The following DNAH12 variants were observed in gnomAD, a reference collection of about 807,000 sequenced individuals.
The protein encoded by DNAH12 is dynein axonemal heavy chain 12.
Under a neutral mutation model 371.5 loss-of-function variants are expected in DNAH12, and 285 were observed. The observed-to-expected ratio is 0.77, with a 90% CI of 0.70 to 0.85. The LOEUF is 0.85. DNAH12 is among the 40% of genes least tolerant of loss of function. The pLI is 0.00. For synonymous variants in DNAH12, 1,200 were observed against 1,213.0 expected (o/e 0.99, Z 0.22); for missense variants, 3,611 against 3,689.4 (o/e 0.98, Z 0.55).
At chr3:57,511,436 GT>G (rs1396991688) in intron 4 of DNAH12, among the ~76,000 whole-genome samples, 2 of 152,238 alleles carry the variant, frequency 1.3e-5, no homozygotes, top group African/African-American at 4.8e-5. Context: ...AGAATGAATA[GT>G]CTCACTAAAA....
At chr3:57,551,360 C>T in the DNAH12 span, among the ~76,000 whole-genome samples, 6 of 149,492 alleles carry the variant, frequency 4.0e-5, no homozygotes, top group East Asian at 6.1e-4. Flanking sequence ...CAAGCTCCGC[C>T]TCCCGGGTTC....
chr3:57,462,863 T>C lies in DNAH12; in HGVS notation c.2362A>G (p.Thr788Ala). The C allele has an allele frequency of 2.6e-6, 4 of 1,550,828 alleles. No homozygotes were observed. The highest frequency in any genetic ancestry group is 3.5e-6 in the Non-Finnish European group (4 of 1,146,700). Residue 788 changes from threonine (T) to alanine (A), a missense_variant, in exon 18 of 74, where the codon ACT becomes GCT. This residue lies in a region of DNAH12 where 1,314 missense variants were observed against 1,398.7 expected (regional missense o/e 0.94). Coordinates refer to ENST00000495027, the MANE Select transcript of DNAH12 (RefSeq NM_001366028.2). ...QIKAFKEYIP[T>A]VSILCNPGMR... ...CCTGGATTGCACAGAATGGAGACAG[T>C]AGGAATATATTCCTAATGGCAAAAA...
intron 20 of DNAH12, among the ~76,000 whole-genome samples, chr3:57,458,453 G>A (rs1363896524): frequency 9.2e-5 from 14 of 152,068 alleles, no homozygotes; most frequent in South Asian, 2.1e-4. Context: ...TATGATTGTC[G>A]TGCATATTGT....
intron 13 of DNAH12, among the ~76,000 whole-genome samples, chr3:57,479,283 AAAACAGACTTT>A (rs1176638440): frequency 2.6e-5 from 4 of 152,262 alleles, no homozygotes; most frequent in African/African-American, 9.6e-5. Context: ...AGTCTCTGAT[AAAACAGACTTT>A]AAACCAACAA....
At chr3:57,409,176 T>A (rs2064128892) in intron 39 of DNAH12, among the ~76,000 whole-genome samples, 1 of 152,186 alleles carries the variant, frequency 6.6e-6, no homozygotes, top group South Asian at 2.1e-4. Context: ...GGAAATGACA[T>A]AATTTAGCTG....
At chr3:57,455,418 A>G (rs2065876573) in intron 22 of DNAH12, among the ~76,000 whole-genome samples, 1 of 151,872 alleles carries the variant, frequency 6.6e-6, no homozygotes, top group African/African-American at 2.4e-5. Flanking sequence ...TAAAAAAAAA[A>G]AAATAGCTGG....
intron 38 of DNAH12, among the ~76,000 whole-genome samples, chr3:57,414,363 T>G (rs999369675): frequency 6.6e-6 from 1 of 152,208 alleles, no homozygotes; most frequent in African/African-American, 2.4e-5. Context: ...CAACATATTT[T>G]TATTTTTTTC....
At chr3:57,370,448 A>G (rs1260172790) in intron 55 of DNAH12, among the ~76,000 whole-genome samples, 1 of 152,318 alleles carries the variant, frequency 6.6e-6, no homozygotes, top group East Asian at 1.9e-4. Flanking sequence ...CGTTACCAAA[A>G]TCTCAAGACA....
intron 46 of DNAH12, among the ~76,000 whole-genome samples, 186 bp downstream of exon 46, chr3:57,386,900 A>C (rs946979115): frequency 0.024 from 3,604 of 152,360 alleles, 66 homozygotes; most frequent in Admixed American, 0.035. Flanking sequence ...AGAAAGAATC[A>C]GACTATTTCA....
intron 66 of DNAH12, among the ~76,000 whole-genome samples, chr3:57,312,511 A>C (rs1392682338): frequency 6.6e-6 from 1 of 152,194 alleles, no homozygotes; most frequent in Non-Finnish European, 1.5e-5. Context: ...GCCTGCTCAT[A>C]CCAGGTGAAG....
chr3:57,408,374 A>G lies in DNAH12; in HGVS notation c.6182T>C (p.Ile2061Thr). The change falls in exon 40 of 74, where the codon ATC becomes ACC. Residue 2061 changes from isoleucine (I) to threonine (T), a missense_variant. Ile to Thr is a moderately conservative substitution (Grantham distance 89, BLOSUM62 -1). This residue lies in a region of DNAH12 where 2,266 missense variants were observed against 2,236.9 expected (regional missense o/e 1.01). Coordinates refer to ENST00000495027, the MANE Select transcript of DNAH12 (RefSeq NM_001366028.2). Reference sequence around the variant, plus strand: ...GTAGAATGCTACAATAGATGAGAAGATTCGGACCATAGTTTCATCACTAAA... The same window carrying G: ...GTAGAATGCTACAATAGATGAGAAGGTTCGGACCATAGTTTCATCACTAAA... ...NSFSDETMVRIFSSIVAFYLR... is the reference protein window; with the variant it reads ...NSFSDETMVRTFSSIVAFYLR... 6.4e-7 allele frequency: 1 copy of G among 1,551,648 alleles called. No individual in the cohort carries two copies. The highest frequency in any genetic ancestry group is 8.7e-7 in the Non-Finnish European group (1 of 1,146,932).
intron 11 of DNAH12, 53 bp downstream of exon 11, chr3:57,501,268 T>TAAACGCATTAATA: frequency 7.5e-7 from 1 of 1,340,832 alleles, no homozygotes; most frequent in Non-Finnish European, 1.1e-6. Flanking sequence ...GGAAAGATCC[T>TAAACGCATTAATA]AATGTTACAA....
chr3:57,461,575 T>A lies in DNAH12; in HGVS notation c.2650A>T (p.Ile884Phe). Residue 884 changes from isoleucine (I) to phenylalanine (F), a missense_variant, in exon 19 of 74, where the codon ATT becomes TTT. Ile to Phe is a conservative substitution (Grantham distance 21). Around this residue, in one of 3 missense-constraint regions of DNAH12, gnomAD observed 1,314 missense variants for 1,398.7 expected, o/e 0.94. Coordinates refer to ENST00000495027, the MANE Select transcript of DNAH12 (RefSeq NM_001366028.2). ...GVCILSSVDE[I>F]QAILDDQIIK... is the part of the protein sequence containing the mutation. ...ATTTGATCATCAAGGATGGCCTGAA[T>A]CTCATCCACCGAAGAAAGAATACAG... 1 of 1,551,324 alleles carries A rather than the reference T, an allele frequency of 6.4e-7. No homozygotes were observed. Among genetic ancestry groups the A allele is most frequent in the Admixed American group, 2.0e-5 (1 of 50,986 alleles).
At chr3:57,492,517 T>C (rs1252503188) in intron 11 of DNAH12, among the ~76,000 whole-genome samples, 2 of 151,866 alleles carry the variant, frequency 1.3e-5, no homozygotes, top group Non-Finnish European at 2.9e-5. Flanking sequence ...GATGTTACAG[T>C]TCATCATTCT....
At chr3:57,301,306 A>G (rs1255102342) in intron 70 of DNAH12, among the ~76,000 whole-genome samples, 2 of 143,530 alleles carry the variant, frequency 1.4e-5, no homozygotes, top group East Asian at 4.3e-4. Flanking sequence ...AAAAAAATCC[A>G]AGCCTCAGGA....
chr3:57,462,741 G>A lies in DNAH12; in HGVS notation c.2484C>T (p.Asn828=). The change falls in exon 18 of 74, where the codon AAC becomes AAT. Residue 828 remains asparagine, a synonymous_variant. Coordinates refer to ENST00000495027, the MANE Select transcript of DNAH12 (RefSeq NM_001366028.2). ...CAAATTGTTCCAAGTATGGGGTAAG[G>A]TTTAATTTTAAAACTTTTCTCAGTG... ...GTTLRKVLKL[N]LTPYLEQFEV... is the part of the protein sequence containing the mutation. 5 of 1,551,494 alleles carry A rather than the reference G, an allele frequency of 3.2e-6. No individual in the cohort carries two copies. Among genetic ancestry groups the A allele is most frequent in the Non-Finnish European group, 4.4e-6 (5 of 1,146,904 alleles).
At chr3:57,379,624 T>C (rs1278411473) in intron 51 of DNAH12, among the ~76,000 whole-genome samples, 1 of 152,010 alleles carries the variant, frequency 6.6e-6, no homozygotes, top group Non-Finnish European at 1.5e-5. Flanking sequence ...GCAGATCACT[T>C]GAGACCAGGA....
chr3:57,448,795 A>T (rs1459823313), intron 25 of DNAH12, among the ~76,000 whole-genome samples: 1 of 152,202 alleles, frequency 6.6e-6, no homozygotes. Context: ...CAGAGTATGG[A>T]CACAAAGGTT....
chr3:57,334,477 T>C lies in DNAH12; in HGVS notation c.9966A>G (p.Leu3322=), dbSNP rs1037269317. 5 of 1,548,242 alleles carry C rather than the reference T, an allele frequency of 3.2e-6. No individual in the cohort carries two copies. The African/African-American group carries it at 6.9e-5, about 21-fold the overall frequency. Residue 3322 remains leucine, a synonymous_variant, in exon 62 of 74, where the codon TTA becomes TTG. Coordinates refer to ENST00000495027, the MANE Select transcript of DNAH12 (RefSeq NM_001366028.2). ...ELQKIIILRC[L]RPDKITPAIT... is the part of the protein sequence containing the mutation. ...ATTGGTCTTTTACCTTATCAGGTCT[T>C]AAACACCGAAGAATTATTATTTTCT...
Sources: allele counts gnomAD v4.1 joint callset (sites outside exome capture counted in the v4.1 genomes callset), GRCh38; gene constraint gnomAD v4.1.1; regional missense constraint gnomAD v4.1.1; transcripts MANE v1.5; gene names NCBI Gene and HGNC (gene_info 2026-07-23, HGNC 2026-07-21).